The following PCDHA7 variants were observed in gnomAD, a reference collection of about 807,000 sequenced individuals.
PCDHA7 encodes protocadherin alpha-7.
PCDHA7 carries 37 observed loss-of-function variants against 57.2 expected under a neutral mutation model. The ratio of observed to expected loss-of-function variants is 0.65; its 90% CI spans 0.50 to 0.85. PCDHA7 has a LOEUF of 0.85. Ranked by LOEUF, PCDHA7 falls within the 40% of genes least tolerant of loss-of-function variation. The pLI is 0.00. For missense variants in PCDHA7, 1,188 were observed against 1,241.8 expected, an observed-to-expected ratio of 0.96 and a Z score of 0.65; for synonymous variants, 553 against 558.8, an observed-to-expected ratio of 0.99 and a Z score of 0.15.
chr5:140,943,346 G>C (rs2153662502), intron 1 of PCDHA7, among the ~76,000 whole-genome samples: 1 of 151,738 alleles, frequency 6.6e-6, no homozygotes, highest in East Asian at 1.9e-4. Context: ...GACAGGATGA[G>C]AGTAGAGGAA....
intron 1 of PCDHA7, among the ~76,000 whole-genome samples, chr5:140,958,989 A>C (rs2095457963): frequency 6.6e-6 from 1 of 152,064 alleles, no homozygotes; most frequent in Non-Finnish European, 1.5e-5. Flanking sequence ...TATTGTTGCT[A>C]ATCTTTTACT....
chr5:140,863,416 C>A, intron 1 of PCDHA7: 6 of 719,752 alleles, frequency 8.3e-6, no homozygotes, highest in African/African-American at 1.8e-5. Flanking sequence ...GCTGGTGTAC[C>A]GCAGCGTAGT....
At chr5:140,868,397 GATATGAA>G (rs1182982921) in intron 1 of PCDHA7, 2 of 152,062 alleles carry the variant, frequency 1.3e-5, no homozygotes, top group African/African-American at 2.4e-5. Flanking sequence ...ATAGAAAATA[GATATGAA>G]AATGCAAGCC....
intron 3 of PCDHA7, among the ~76,000 whole-genome samples, chr5:140,992,147 G>A (rs1304729438): frequency 2.0e-5 from 3 of 151,714 alleles, no homozygotes; most frequent in Non-Finnish European, 4.4e-5. Context: ...TGCTAACTTT[G>A]CTCAATCAAG....
At chr5:140,840,258 A>T (rs1776629657) in intron 1 of PCDHA7, among the ~76,000 whole-genome samples, 1 of 151,990 alleles carries the variant, frequency 6.6e-6, no homozygotes, top group South Asian at 2.1e-4. Context: ...AAAAATTGTG[A>T]TTTTTTAATG....
In PCDHA7 at chr5:140,927,522, A is replaced by G. The variant is rs1292484442; in HGVS notation, c.2356-51427A>G. On this transcript the variant is annotated intron_variant, in intron 1 of 3. Coordinates refer to ENST00000525929, the MANE Select transcript of PCDHA7 (RefSeq NM_018910.3). ...TGCTTACAGCTCGGGACGGCGGGCT[A>G]CCTGCCCGCTCAGGAGACGCACAAG... 5.6e-6 allele frequency: 9 copies of G among 1,614,088 alleles called. No homozygotes were observed. In the South Asian group the frequency reaches 9.9e-5, roughly 18 times the overall value.
chr5:140,871,573 T>A (rs1554165748), intron 1 of PCDHA7: 1 of 1,477,842 alleles, frequency 6.8e-7, no homozygotes, highest in Non-Finnish European at 9.0e-7. Flanking sequence ...ACGGATTTTT[T>A]AAGGGAAAGT....
At chr5:140,872,432 G>T (rs2053660736) in intron 1 of PCDHA7, among the ~76,000 whole-genome samples, 1 of 152,026 alleles carries the variant, frequency 6.6e-6, no homozygotes, top group Non-Finnish European at 1.5e-5. Context: ...TTCGAGGCCT[G>T]CCTGGACAAC....
intron 3 of PCDHA7, among the ~76,000 whole-genome samples, chr5:140,986,151 G>T (rs547474191): frequency 6.6e-6 from 1 of 152,316 alleles, no homozygotes; most frequent in East Asian, 1.9e-4. Flanking sequence ...GCATCACCAA[G>T]TAATGTTTTC....
intron 1 of PCDHA7, among the ~76,000 whole-genome samples, chr5:140,922,088 T>C (rs1361534405): frequency 6.6e-6 from 1 of 152,184 alleles, no homozygotes; most frequent in Non-Finnish European, 1.5e-5. Context: ...AAGTGGTATT[T>C]CTACCAACTA....
rs146495947 is a variant in PCDHA7, at chr5:140,843,027, G to C, written c.2355+6289G>C. 1.7e-3 allele frequency: 2,668 copies of C among 1,595,168 alleles called. 274 individuals carry two copies. Among genetic ancestry groups the C allele is most frequent in the Non-Finnish European group, 2.1e-3 (2,455 of 1,165,422 alleles). ...AACGCGCCGGCACTGCTGGAGCCTC[G>C]GGTGGGTGGCACTGGTGGCGCAGCG... is the stretch of plus-strand genomic sequence containing the variant. On this transcript the variant is annotated intron_variant, in intron 1 of 3. Transcript: ENST00000525929.
chr5:140,927,418 C>T (rs1296760547), intron 1 of PCDHA7: 3 of 1,614,106 alleles, frequency 1.9e-6, no homozygotes, highest in Admixed American at 1.7e-5. Flanking sequence ...CATGGGATCG[C>T]GGGTTGACGG....
In PCDHA7 at chr5:140,884,413, G is replaced by C. The variant is rs376737487; in HGVS notation, c.2355+47675G>C. 13 of 1,613,896 alleles carry C rather than the reference G, an allele frequency of 8.1e-6. No homozygotes were observed. The East Asian group carries it at 2.5e-4, about 30-fold the overall frequency. On this transcript the variant is annotated intron_variant, in intron 1 of 3. Transcript: ENST00000525929. Reference sequence around the variant, plus strand: ...TGTCCAGCCTGTTGGTGCTCACGTTGCTGCTGTATACTGCGCTGCGGTGCT... The same window carrying C: ...TGTCCAGCCTGTTGGTGCTCACGTTCCTGCTGTATACTGCGCTGCGGTGCT...
chr5:140,877,371 G>C, intron 1 of PCDHA7: 2 of 1,613,994 alleles, frequency 1.2e-6, no homozygotes, highest in Non-Finnish European at 8.5e-7. Context: ...AGATCAGCAC[G>C]ACACGCATCC....
chr5:140,984,982 G>A lies in PCDHA7; in HGVS notation c.2503+2419G>A, dbSNP rs544151858. On this transcript the variant is annotated intron_variant, in intron 3 of 3. Coordinates refer to ENST00000525929, the MANE Select transcript of PCDHA7 (RefSeq NM_018910.3). ...AGACAGAGTCTCGCTCTGTCCCCCA[G>A]GCTGGAGTCCAGTGGCACGATATCG... Among the ~76,000 whole-genome samples the A allele has an allele frequency of 1.1e-3, 174 of 152,116 alleles. 2 individuals are homozygous for A. In the South Asian group the frequency reaches 0.016, roughly 14 times the overall value.
chr5:140,988,184 GGT>G (rs2153871318), intron 3 of PCDHA7, among the ~76,000 whole-genome samples: 1 of 152,246 alleles, frequency 6.6e-6, no homozygotes, highest in East Asian at 1.9e-4. Flanking sequence ...AGTCCTGGGA[GGT>G]GTGTGCATAT....
Position 140,834,661 on chromosome 5 carries a change from A to G in PCDHA7, c.278A>G (p.Glu93Gly), listed in dbSNP as rs1200683987. The G allele has an allele frequency of 6.2e-7, 1 of 1,614,098 alleles. No individual in the cohort carries two copies. The highest frequency in any genetic ancestry group is 8.5e-7 in the Non-Finnish European group (1 of 1,180,040). Reference sequence around the variant, plus strand: ...TTTGTGAATTCTCGGATCGACCGCGAGGAGCTGTGCGGGCGGAGCGCGGAG... The same window carrying G: ...TTTGTGAATTCTCGGATCGACCGCGGGGAGCTGTGCGGGCGGAGCGCGGAG... ...ILFVNSRIDR[E>G]ELCGRSAECS... is the part of the protein sequence containing the mutation. Residue 93 changes from glutamate (E) to glycine (G), a missense_variant, in exon 1 of 4, where the codon GAG becomes GGG. Transcript: ENST00000525929.
intron 1 of PCDHA7, chr5:140,875,337 A>C (rs2055422229): frequency 1.6e-5 from 23 of 1,440,366 alleles, no homozygotes; most frequent in Non-Finnish European, 1.7e-5. Context: ...AATAGGATCG[A>C]CTCCATAATG....
At chr5:140,863,142 G>C (rs782245937) in intron 1 of PCDHA7, 1 of 609,728 alleles carries the variant, frequency 1.6e-6, no homozygotes. Flanking sequence ...TGCTGGTGCT[G>C]GTGAAGGACC....
Sources: gnomAD v4.1 joint callset for allele counts (sites outside exome capture counted in the v4.1 genomes callset) on GRCh38, gnomAD v4.1.1 for gene constraint, MANE v1.5 for transcripts, NCBI Gene and HGNC (gene_info 2026-07-23, HGNC 2026-07-21) for gene names.